The following TTLL5 variants were observed in gnomAD, a reference collection of about 807,000 sequenced individuals.
The protein encoded by TTLL5 is tubulin tyrosine ligase like 5.
Under a neutral mutation model 168.4 loss-of-function variants are expected in TTLL5, and 132 were observed. The ratio of observed to expected loss-of-function variants is 0.78; its 90% CI spans 0.68 to 0.91. The LOEUF is 0.91. Among genes scored for constraint, TTLL5 ranks in the 40% least tolerant of loss-of-function variants. The pLI, the probability that TTLL5 is intolerant of heterozygous loss-of-function variation, is 0.00. For missense variants in TTLL5, 1,545 were observed against 1,581.5 expected, an observed-to-expected ratio of 0.98 and a Z score of 0.39; for synonymous variants, 546 against 558.6, an observed-to-expected ratio of 0.98 and a Z score of 0.32.
chr14:75,791,385 G>GT (rs1381672656), intron 26 of TTLL5, among the ~76,000 whole-genome samples: 1 of 152,130 alleles, frequency 6.6e-6, no homozygotes, highest in African/African-American at 2.4e-5. Flanking sequence ...ACTTTCAGCT[G>GT]TATTTATCTA....
intron 31 of TTLL5, among the ~76,000 whole-genome samples, chr14:75,944,059 T>C (rs143913210): frequency 6.6e-6 from 1 of 152,262 alleles, no homozygotes; most frequent in African/African-American, 2.4e-5. Context: ...TCCTTCCTGC[T>C]CTGAAGCTTT....
intron 31 of TTLL5, among the ~76,000 whole-genome samples, chr14:75,940,077 CTTTT>C (rs5809741): frequency 1.5e-4 from 12 of 78,804 alleles, no homozygotes; most frequent in African/African-American, 2.0e-4. Flanking sequence ...GAAATTAAAT[CTTTT>C]TTTTTTTTTT....
chr14:75,798,107 C>T (rs559093105), intron 27 of TTLL5, among the ~76,000 whole-genome samples: 224 of 152,026 alleles, frequency 1.5e-3, no homozygotes, highest in Non-Finnish European at 2.9e-3. Context: ...TTTAAATTGC[C>T]ATTTCAATAT....
intron 29 of TTLL5, among the ~76,000 whole-genome samples, chr14:75,878,501 T>C (rs1214869193): frequency 1.3e-5 from 2 of 152,180 alleles, no homozygotes; most frequent in African/African-American, 4.8e-5. Flanking sequence ...TTTAAAGAGC[T>C]TTCCCAAAAA....
chr14:75,743,827 C>G (rs1392038058), intron 15 of TTLL5, among the ~76,000 whole-genome samples: 1 of 151,930 alleles, frequency 6.6e-6, no homozygotes, highest in African/African-American at 2.4e-5. Flanking sequence ...GTGATCTGCC[C>G]ACCTTGGCCT....
chr14:75,697,597 A>C (rs935620746), intron 6 of TTLL5, among the ~76,000 whole-genome samples: 3 of 152,180 alleles, frequency 2.0e-5, no homozygotes, highest in African/African-American at 7.2e-5. Context: ...GAGGGAGAGG[A>C]AAGAAAAGGA....
intron 30 of TTLL5, among the ~76,000 whole-genome samples, chr14:75,885,000 C>T (rs1246506292): frequency 6.7e-6 from 1 of 149,490 alleles, no homozygotes; most frequent in Non-Finnish European, 1.5e-5. Flanking sequence ...GAAACCCTGT[C>T]TCTACTAAAA....
At chr14:75,821,051 C>A (rs1894804211) in intron 28 of TTLL5, among the ~76,000 whole-genome samples, 1 of 152,106 alleles carries the variant, frequency 6.6e-6, no homozygotes, top group Admixed American at 6.6e-5. Flanking sequence ...TGCTGCTTTG[C>A]CCTGAGATTC....
At chr14:75,907,039 G>A (rs1474502) in intron 31 of TTLL5, among the ~76,000 whole-genome samples, 125,746 of 152,242 alleles carry the variant, frequency 0.83, 52,043 homozygotes, top group Admixed American at 0.88. Flanking sequence ...GATATTTGAA[G>A]GTAAAGTTGC....
intron 17 of TTLL5, among the ~76,000 whole-genome samples, chr14:75,746,627 G>A (rs1031144853): frequency 6.7e-6 from 1 of 149,952 alleles, no homozygotes; most frequent in African/African-American, 2.5e-5. Flanking sequence ...CACAATCTTG[G>A]CTTACTGCAA....
chr14:75,675,899 A>G lies in TTLL5; in HGVS notation c.182-5646A>G, dbSNP rs1437798791. ...ATTGGTTTATGTAATTATGTAAGCT[A>G]AAAAGTCCCATTATCTACCATTTGC... On this transcript the variant is annotated intron_variant, in intron 3 of 31. Coordinates refer to ENST00000298832, the MANE Select transcript of TTLL5 (RefSeq NM_015072.5). 2.6e-5 allele frequency among the ~76,000 whole-genome samples: 4 copies of G among 152,210 alleles called. No homozygotes were observed. The East Asian group carries it at 7.7e-4, about 29-fold the overall frequency.
At chr14:75,898,515 G>A (rs1048449578) in intron 30 of TTLL5, among the ~76,000 whole-genome samples, 3 of 152,032 alleles carry the variant, frequency 2.0e-5, no homozygotes, top group African/African-American at 4.8e-5. Context: ...GGTACCACAC[G>A]CCTGTAGTCC....
chr14:75,902,449 G>A (rs1390095998), intron 31 of TTLL5: 9 of 675,408 alleles, frequency 1.3e-5, no homozygotes, highest in Non-Finnish European at 1.9e-5. Flanking sequence ...ATGAAACCTC[G>A]CCATCTTATA....
chr14:75,932,776 G>A (rs2034316284), intron 31 of TTLL5, among the ~76,000 whole-genome samples: 1 of 152,188 alleles, frequency 6.6e-6, no homozygotes. Context: ...GTGTGTGTGT[G>A]TGTCAGGTGC....
At chr14:75,696,090 A>G (rs560705237) in intron 6 of TTLL5, among the ~76,000 whole-genome samples, 9 of 151,910 alleles carry the variant, frequency 5.9e-5, no homozygotes, top group African/African-American at 2.2e-4. Context: ...CAGTCTCAGT[A>G]GGTTGGCCAG....
chr14:75,911,994 ACCT>A (rs1307812741), intron 31 of TTLL5, among the ~76,000 whole-genome samples: 1 of 152,140 alleles, frequency 6.6e-6, no homozygotes, highest in Admixed American at 6.5e-5. Context: ...CAAGAGCCAG[ACCT>A]CCTGAAAACC....
intron 7 of TTLL5, among the ~76,000 whole-genome samples, chr14:75,703,148 G>T (rs1886403094): frequency 6.6e-6 from 1 of 152,214 alleles, no homozygotes; most frequent in African/African-American, 2.4e-5. Context: ...TGAGGAGAGG[G>T]AATGCTGAGG....
intron 31 of TTLL5, among the ~76,000 whole-genome samples, chr14:75,910,131 T>A (rs1263712976): frequency 6.6e-6 from 1 of 152,182 alleles, no homozygotes; most frequent in Non-Finnish European, 1.5e-5. Flanking sequence ...ATCTGAAAAT[T>A]GATATTTTTT....
chr14:75,716,317 C>T (rs1400748030), intron 9 of TTLL5, among the ~76,000 whole-genome samples: 2 of 152,176 alleles, frequency 1.3e-5, no homozygotes, highest in Non-Finnish European at 2.9e-5. Flanking sequence ...TTAGCCTAGT[C>T]ATCATTTTCT....
Sources: gnomAD v4.1 joint callset for allele counts (sites outside exome capture counted in the v4.1 genomes callset) on GRCh38, gnomAD v4.1.1 for gene constraint, MANE v1.5 for transcripts, NCBI Gene and HGNC (gene_info 2026-07-23, HGNC 2026-07-21) for gene names.